Variants in MAN2A1 observed in about 807,000 individuals in gnomAD.
The protein encoded by MAN2A1 is alpha-mannosidase 2.
Under a neutral mutation model 142.6 loss-of-function variants are expected in MAN2A1, and 76 were observed. The ratio of observed to expected loss-of-function variants is 0.53; its 90% confidence interval spans 0.44 to 0.65. The LOEUF is 0.65. MAN2A1 is among the 30% of genes least tolerant of loss of function. The pLI is 0.00. For synonymous variants in MAN2A1, 559 were observed against 473.2 expected, an observed-to-expected ratio of 1.18 and a Z score of -2.35; for missense variants, 1,311 against 1,365.1, an observed-to-expected ratio of 0.96 and a Z score of 0.62.
At chr5:109,813,265 T>C (rs1754366451) in intron 12 of MAN2A1, among the ~76,000 whole-genome samples, 1 of 152,208 alleles carries the variant, frequency 6.6e-6, no homozygotes. Context: ...TTGGCCTTGC[T>C]AAGGAGAAAG....
chr5:109,698,261 C>T (rs1750871154), intron 1 of MAN2A1, among the ~76,000 whole-genome samples: 1 of 152,212 alleles, frequency 6.6e-6, no homozygotes, highest in African/African-American at 2.4e-5. Context: ...GAGCGTTGCT[C>T]AGCTTGGAGG....
chr5:109,751,687 TA>T (rs1334919009), intron 4 of MAN2A1, among the ~76,000 whole-genome samples: 1 of 152,134 alleles, frequency 6.6e-6, no homozygotes, highest in Non-Finnish European at 1.5e-5. Context: ...ACAGTTATGG[TA>T]GCTTTTTAAT....
chr5:109,817,219 T>A, intron 12 of MAN2A1, 54 bp from the exon 13 acceptor site: 1 of 1,503,970 alleles, frequency 6.6e-7, no homozygotes, highest in Non-Finnish European at 9.2e-7. Flanking sequence ...TATATGTATA[T>A]GTAAGAAGTA....
chr5:109,788,219 GA>G (rs5870389), intron 10 of MAN2A1, among the ~76,000 whole-genome samples: 79 of 144,642 alleles, frequency 5.5e-4, no homozygotes, highest in Middle Eastern at 3.7e-3. Flanking sequence ...ACTGAATTAG[GA>G]AAAAAAAAAA....
Position 109,784,816 on chromosome 5 carries a change from A to G in MAN2A1, c.1650A>G (p.Ser550=), listed in dbSNP as rs760109203. 20 of 1,612,490 alleles carry G rather than the reference A, an allele frequency of 1.2e-5. No individual in the cohort carries two copies. In the East Asian group the frequency reaches 4.5e-4, roughly 36 times the overall value. ...HKYKINKFLS[S]SLYTALTEAR... is the part of the protein sequence containing the mutation. ...ACAAGATAAATAAATTTCTCTCATC[A>G]TCACTTTACACGGCACTGACAGAAG... The change falls in exon 10 of 22, where the codon TCA becomes TCG. Residue 550 remains serine, a synonymous_variant. Transcript: ENST00000261483.
Position 109,781,476 on chromosome 5 carries a change from G to A in MAN2A1, c.1455G>A (p.Met485Ile). The change falls in exon 9 of 22, where the codon ATG (methionine) becomes ATA (isoleucine). Residue 485 changes from methionine (M) to isoleucine (I), a missense_variant. Met to Ile is a conservative substitution (Grantham distance 10). This residue lies in a region of MAN2A1 where 890 missense variants were observed against 920.5 expected (regional missense o/e 0.97). Transcript: ENST00000261483. ...CTCAGAGAGACAAGGGCCAATCGAT[G>A]TTCCCTGTTTTAAGTGGAGATTTTT... Reference protein sequence around the residue: ...DETQRDKGQSMFPVLSGDFFT... With the variant: ...DETQRDKGQSIFPVLSGDFFT... 1.2e-6 allele frequency: 2 copies of A among 1,613,350 alleles called. No individual in the cohort carries two copies. Among genetic ancestry groups the A allele is most frequent in the Non-Finnish European group, 1.7e-6 (2 of 1,179,720 alleles).
At chr5:109,797,923 C>T (rs145996793) in intron 12 of MAN2A1, among the ~76,000 whole-genome samples, 5 of 152,090 alleles carry the variant, frequency 3.3e-5, no homozygotes, top group African/African-American at 1.2e-4. Context: ...AGTAGAGAGA[C>T]ATTTTCAGAT....
chr5:109,841,425 T>G (rs1755201937), intron 16 of MAN2A1, among the ~76,000 whole-genome samples: 1 of 152,220 alleles, frequency 6.6e-6, no homozygotes, highest in Non-Finnish European at 1.5e-5. Context: ...GTTACTTCAC[T>G]TAGAATAATA....
At chr5:109,726,669 C>G (rs1168130473) in intron 3 of MAN2A1, among the ~76,000 whole-genome samples, 1 of 152,128 alleles carries the variant, frequency 6.6e-6, no homozygotes, top group Non-Finnish European at 1.5e-5. Flanking sequence ...GGCCTTAGTT[C>G]ATTCATCACA....
chr5:109,754,371 C>A (rs1448604209), intron 4 of MAN2A1, among the ~76,000 whole-genome samples: 3 of 151,884 alleles, frequency 2.0e-5, no homozygotes, highest in Non-Finnish European at 4.4e-5. Context: ...AAAGGAATAC[C>A]CAATAGACAA....
intron 4 of MAN2A1, among the ~76,000 whole-genome samples, chr5:109,735,100 T>G (rs1253389909): frequency 6.6e-6 from 1 of 152,198 alleles, no homozygotes; most frequent in African/African-American, 2.4e-5. Context: ...CTCTTCTTGT[T>G]GAATTGATCC....
At chr5:109,705,858 G>C (rs1199739179) in intron 1 of MAN2A1, among the ~76,000 whole-genome samples, 1 of 152,118 alleles carries the variant, frequency 6.6e-6, no homozygotes, top group African/African-American at 2.4e-5. Flanking sequence ...GCATCATTCT[G>C]ATTTCTTGTG....
chr5:109,746,796 G>C (rs567101764), intron 4 of MAN2A1, among the ~76,000 whole-genome samples: 2 of 152,178 alleles, frequency 1.3e-5, no homozygotes, highest in East Asian at 3.9e-4. Context: ...GGCAACCACT[G>C]TTCTGTTTTC....
At chr5:109,769,466 C>T (rs1010148229) in intron 6 of MAN2A1, among the ~76,000 whole-genome samples, 134 of 152,158 alleles carry the variant, frequency 8.8e-4, no homozygotes, top group African/African-American at 3.1e-3. Flanking sequence ...ATACTCATTG[C>T]TGAAAATTGG....
intron 19 of MAN2A1, 163 bp from the exon 20 acceptor site, chr5:109,854,977 A>G (rs928735312): frequency 1.6e-5 from 7 of 433,182 alleles, no homozygotes; most frequent in African/African-American, 1.2e-4. Context: ...GCTTACAACT[A>G]AACTTGGTAG....
At chr5:109,766,045 A>G (rs961178043) in intron 5 of MAN2A1, among the ~76,000 whole-genome samples, 1 of 152,080 alleles carries the variant, frequency 6.6e-6, no homozygotes, top group Non-Finnish European at 1.5e-5. Context: ...TATTGCATCT[A>G]GGTCCTTCAA....
At chr5:109,698,457 T>TG in intron 1 of MAN2A1, among the ~76,000 whole-genome samples, 1 of 152,388 alleles carries the variant, frequency 6.6e-6, no homozygotes, top group East Asian at 1.9e-4. Flanking sequence ...ATCTTTAAAT[T>TG]GCAGTATACT....
chr5:109,867,941 AT>A lies in MAN2A1; in HGVS notation c.*945del, dbSNP rs1755926125. The A allele has an allele frequency of 1.3e-5, 2 of 152,140 alleles. 1 individual carries two copies. The highest frequency in any genetic ancestry group is 4.8e-5 in the African/African-American group (2 of 41,442). The allele number at this position is 152,140 out of a possible 1,614,324, so 9.4% of individuals were successfully genotyped here. A position where few individuals can be genotyped will look rare whatever the true frequency, so the allele number is the denominator to read the frequency against. On this transcript the variant is annotated 3_prime_UTR_variant, in exon 22 of 22. Coordinates refer to ENST00000261483, the MANE Select transcript of MAN2A1 (RefSeq NM_002372.4). ...GGTGGGTACTTTCTATGACACATAA[AT>A]TGTGTAATTTTTGCCTGACAATGCT...
chr5:109,817,162 T>G, intron 12 of MAN2A1, 111 bp from the exon 13 acceptor site: 1 of 997,500 alleles, frequency 1.0e-6, no homozygotes, highest in Middle Eastern at 3.5e-4. Flanking sequence ...TGAGACGCTA[T>G]CTCAAAAATA....
Sources: gnomAD v4.1 joint callset for allele counts (sites outside exome capture counted in the v4.1 genomes callset) on GRCh38, gnomAD v4.1.1 for gene constraint, gnomAD v4.1.1 regional missense constraint, MANE v1.5 for transcripts, NCBI Gene and HGNC (gene_info 2026-07-23, HGNC 2026-07-21) for gene names.